Variants in SPON1 observed in about 807,000 individuals in gnomAD.
SPON1 encodes the protein spondin-1.
In SPON1, 52 loss-of-function variants were observed where a neutral mutation model predicts 111.7. That is an observed-to-expected ratio of 0.47 (90% CI 0.37 to 0.59). The LOEUF is 0.59. Among genes scored for constraint, SPON1 ranks in the 20% least tolerant of loss-of-function variants. The pLI, the probability that SPON1 is intolerant of heterozygous loss-of-function variation, is 0.00. For synonymous variants in SPON1, 410 were observed against 395.8 expected, an observed-to-expected ratio of 1.04 and a Z score of -0.43; for missense variants, 957 against 1,068.5, an observed-to-expected ratio of 0.90 and a Z score of 1.46.
At chr11:14,159,565 C>G (rs782476529) in intron 6 of SPON1, among the ~76,000 whole-genome samples, 8 of 152,064 alleles carry the variant, frequency 5.3e-5, no homozygotes, top group Non-Finnish European at 1.0e-4. Context: ...ATCAGTATAT[C>G]AAAGAGATAT....
intron 3 of SPON1, among the ~76,000 whole-genome samples, chr11:14,055,469 G>T (rs1053261039): frequency 3.3e-5 from 5 of 152,192 alleles, no homozygotes; most frequent in Non-Finnish European, 7.3e-5. Context: ...CTTTTTAAAT[G>T]GAAAGTATTA....
intron 6 of SPON1, among the ~76,000 whole-genome samples, chr11:14,140,488 G>A (rs968247328): frequency 1.3e-5 from 2 of 152,268 alleles, no homozygotes; most frequent in East Asian, 1.9e-4. Context: ...TCCGCCTCCT[G>A]GGTTCAAGCG....
At chr11:14,042,987 C>T (rs944112994) in intron 3 of SPON1, among the ~76,000 whole-genome samples, 2 of 151,982 alleles carry the variant, frequency 1.3e-5, no homozygotes, top group Admixed American at 6.6e-5. Flanking sequence ...AGCAGTTTGG[C>T]TCTTGGCATT....
rs1345844482 is a variant in SPON1 at position 14,267,102 on chromosome 11, A to C, written c.*1415A>C. On this transcript the variant is annotated 3_prime_UTR_variant, in exon 16 of 16. Coordinates refer to ENST00000576479, the MANE Select transcript of SPON1 (RefSeq NM_006108.4). ...GAGACACATACAATGCTCTGAATAC[A>C]CTACGAATTTGTATTAAACACATCA... 2 of 152,244 alleles carry C rather than the reference A, an allele frequency of 1.3e-5. No homozygotes were observed. The highest frequency in any genetic ancestry group is 2.9e-5 in the Non-Finnish European group (2 of 68,040). 9.4% of individuals were successfully genotyped at this position (152,244 alleles called of 1,614,324 possible).
At chr11:14,217,805 T>G (rs1848641172) in intron 6 of SPON1, among the ~76,000 whole-genome samples, 1 of 152,246 alleles carries the variant, frequency 6.6e-6, no homozygotes, top group Non-Finnish European at 1.5e-5. Flanking sequence ...TAAGGATAGT[T>G]AGCTAATTTA....
At chr11:14,023,872 G>A (rs960344767) in intron 2 of SPON1, among the ~76,000 whole-genome samples, 9 of 152,044 alleles carry the variant, frequency 5.9e-5, no homozygotes, top group Admixed American at 5.9e-4. Context: ...CGTAGTGGTG[G>A]GCGCCTGTAA....
intron 3 of SPON1, among the ~76,000 whole-genome samples, chr11:14,061,446 T>C (rs889407106): frequency 6.6e-6 from 1 of 152,240 alleles, no homozygotes; most frequent in East Asian, 1.9e-4. Context: ...AAATTAGATT[T>C]TCAGCTTAAT....
chr11:14,187,197 T>C (rs1252001563), intron 6 of SPON1, among the ~76,000 whole-genome samples: 1 of 152,130 alleles, frequency 6.6e-6, no homozygotes, highest in Non-Finnish European at 1.5e-5. Flanking sequence ...AGGTGAGAAC[T>C]CACTCATTAC....
At chr11:14,059,014 A>T (rs1237201192) in intron 3 of SPON1, among the ~76,000 whole-genome samples, 5 of 152,252 alleles carry the variant, frequency 3.3e-5, no homozygotes, top group Admixed American at 3.3e-4. Flanking sequence ...ATAGTTCTAT[A>T]ACTAGAGGGG....
chr11:14,172,349 A>T (rs1372020994), intron 6 of SPON1, among the ~76,000 whole-genome samples: 1 of 151,566 alleles, frequency 6.6e-6, no homozygotes, highest in Non-Finnish European at 1.5e-5. Context: ...TGCTTGGTAG[A>T]TCTTCCTCCA....
Position 14,259,400 on chromosome 11 carries a change from G to C in SPON1, c.1613G>C (p.Cys538Ser). ...VKQFPEDGSVCTLPTEETEKC... is the reference protein window; with the variant it reads ...VKQFPEDGSVSTLPTEETEKC... ...CAGTTCCCGGAGGACGGCTCCGTGTGCACGCTGCCCACTGAGGAAACGGAG... is the reference window on the plus strand; with the variant it reads ...CAGTTCCCGGAGGACGGCTCCGTGTCCACGCTGCCCACTGAGGAAACGGAG... The change falls in exon 12 of 16, where the codon TGC becomes TCC. Residue 538 changes from cysteine (C) to serine (S), a missense_variant. Physicochemically the swap from Cys to Ser is moderately radical, Grantham distance 112 (BLOSUM62 -1). Transcript: ENST00000576479. This position sits in a 1 kb window ranked among gnomAD's most constrained non-coding sequence, Gnocchi z 5.0. 6.2e-7 allele frequency: 1 copy of C among 1,611,392 alleles called. No individual in the cohort carries two copies. Among genetic ancestry groups the C allele is most frequent in the Non-Finnish European group, 8.5e-7 (1 of 1,179,024 alleles).
chr11:14,260,808 C>A (rs1056040148), intron 14 of SPON1, 56 bp downstream of exon 14: 4 of 1,562,490 alleles, frequency 2.6e-6, no homozygotes, highest in Non-Finnish European at 3.5e-6. Flanking sequence ...GTCCAGGGAG[C>A]CCCGAACCAG....
chr11:13,975,559 T>C (rs1277683176), intron 1 of SPON1, among the ~76,000 whole-genome samples: 1 of 152,138 alleles, frequency 6.6e-6, no homozygotes, highest in African/African-American at 2.4e-5. Context: ...TAAACACGTA[T>C]GGAACTGAAA....
At chr11:14,167,673 T>C (rs1364373184) in intron 6 of SPON1, among the ~76,000 whole-genome samples, 2 of 152,128 alleles carry the variant, frequency 1.3e-5, no homozygotes, top group Admixed American at 1.3e-4. Context: ...AAGGTAAGAT[T>C]TTCATTAACT....
intron 3 of SPON1, among the ~76,000 whole-genome samples, chr11:14,072,196 A>G (rs868930499): frequency 6.6e-6 from 1 of 152,072 alleles, no homozygotes; most frequent in Non-Finnish European, 1.5e-5. Context: ...ATGTATATTA[A>G]GTGCCTCCTT....
chr11:14,023,564 T>TTC (rs200295109), intron 2 of SPON1, among the ~76,000 whole-genome samples: 2,946 of 152,290 alleles, frequency 0.019, 92 homozygotes, highest in African/African-American at 0.067. Context: ...TAACCACATT[T>TTC]TCTCAGCTAT....
At chr11:14,089,126 T>C (rs1849030075) in intron 5 of SPON1, among the ~76,000 whole-genome samples, 2 of 152,134 alleles carry the variant, frequency 1.3e-5, no homozygotes, top group Admixed American at 1.3e-4. Context: ...GAAGCCTACT[T>C]CTGTCAATTT....
intron 2 of SPON1, among the ~76,000 whole-genome samples, chr11:14,012,757 G>C (rs563846008): frequency 6.6e-6 from 1 of 151,906 alleles, no homozygotes; most frequent in Non-Finnish European, 1.5e-5. Flanking sequence ...CTGCCTCTTT[G>C]TCTCCCTCTG....
Position 13,982,910 on chromosome 11 carries a change from A to T in SPON1, c.302A>T (p.Asn101Ile), listed in dbSNP as rs553214425. 4 of 1,559,748 alleles carry T rather than the reference A, an allele frequency of 2.6e-6. No homozygotes were observed. In the Admixed American group the frequency reaches 5.7e-5, roughly 22 times the overall value. The change falls in exon 2 of 16, where the codon AAC becomes ATC. Residue 101 changes from asparagine (N) to isoleucine (I), a missense_variant. Asn to Ile is a moderately radical substitution (Grantham distance 149). Transcript: ENST00000576479. ...RGFTLIALRE[N>I]REGDKEEDHA... is the part of the protein sequence containing the mutation. ...TTCACATTAATTGCCCTCAGAGAGA[A>T]CAGAGAGGGTGATAAGGAAGAAGAC...
Sources: allele counts gnomAD v4.1 joint callset (sites outside exome capture counted in the v4.1 genomes callset), GRCh38; gene constraint gnomAD v4.1.1; non-coding constraint Gnocchi (gnomAD v3.1); transcripts MANE v1.5; gene names NCBI Gene and HGNC (gene_info 2026-07-23, HGNC 2026-07-21).